The following MUC4 variants were observed in gnomAD, a reference collection of about 807,000 sequenced individuals.
The protein encoded by MUC4 is mucin 4, cell surface associated, also known as mucin-4.
MUC4 carries 202 observed loss-of-function variants against 257.9 expected under a neutral mutation model. That is an observed-to-expected ratio of 0.78 (90% CI 0.70 to 0.88). MUC4 has a LOEUF of 0.88. Ranked by LOEUF, MUC4 falls within the 40% of genes least tolerant of loss-of-function variation. The pLI is 0.00. For missense variants in MUC4, 5,976 were observed against 6,513.7 expected, an observed-to-expected ratio of 0.92 and a Z score of 2.84; for synonymous variants, 2,351 against 2,757.1, an observed-to-expected ratio of 0.85 and a Z score of 4.62.
In MUC4 at chr3:195,790,134, T is replaced by G; in HGVS notation, c.1446A>C (p.Leu482=). The G allele has an allele frequency of 6.2e-7, 1 of 1,614,034 alleles. No individual in the cohort carries two copies. Among genetic ancestry groups the G allele is most frequent in the South Asian group, 1.1e-5 (1 of 91,078 alleles). ...AGGAAGGCCATGTTGTTGTTTCATG[T>G]AGAGTAAATATTTCTTGAGACACAC... The part of the protein sequence containing the change: ...SPGVSQEIFT[L]HETTTWPSSF... Residue 482 remains leucine, a synonymous_variant, in exon 2 of 25, where the codon CTA becomes CTC. Transcript: ENST00000463781.
chr3:195,811,299 G>A (rs1168590751), intron 1 of MUC4, among the ~76,000 whole-genome samples: 1 of 152,016 alleles, frequency 6.6e-6, no homozygotes, highest in East Asian at 1.9e-4. Context: ...TCAGACTCCT[G>A]AGTAGCTGGA....
rs1191435995 is a variant in MUC4 at position 195,779,305 on chromosome 3, C to T, written c.12275G>A (p.Gly4092Asp). The T allele has an allele frequency of 2.3e-5, 27 of 1,181,026 alleles. 9 individuals are homozygous for T. Among genetic ancestry groups the T allele is most frequent in the Non-Finnish European group, 2.9e-5 (25 of 868,424 alleles). The allele number at this position is 1,181,026 out of a possible 1,614,324, so 73.2% of individuals were successfully genotyped here. The change falls in exon 2 of 25, where the codon GGT (glycine) becomes GAT (aspartate). Residue 4092 changes from glycine to aspartate, a missense_variant. Transcript: ENST00000463781. ...GGTGAGAGGAAGAGGGGTGGCGTGA[C>T]CGGTGGATGCTGAGGAAGCATCGGT... is the stretch of plus-strand genomic sequence containing the variant. ...PVTDASSASTGHATPLPLTSL... is the reference protein window; with the variant it reads ...PVTDASSASTDHATPLPLTSL...
intron 16 of MUC4, 59 bp downstream of exon 16, chr3:195,760,825 G>C: frequency 7.1e-7 from 1 of 1,407,944 alleles, no homozygotes; most frequent in African/African-American, 1.4e-5. Flanking sequence ...GTCAGGCAAG[G>C]GCAGCTCCTC....
At chr3:195,767,362 A>G (rs963355864) in intron 7 of MUC4, among the ~76,000 whole-genome samples, 11 of 151,496 alleles carry the variant, frequency 7.3e-5, no homozygotes, top group African/African-American at 2.4e-4. Context: ...CACTGCTGCT[A>G]CCACCACCAC....
chr3:195,798,039 G>A (rs1270062278), intron 1 of MUC4, among the ~76,000 whole-genome samples: 1 of 152,126 alleles, frequency 6.6e-6, no homozygotes, highest in Non-Finnish European at 1.5e-5. Flanking sequence ...GATCACTTGA[G>A]CCCAAGAGTT....
chr3:195,763,740 A>C, intron 11 of MUC4, 99 bp from the exon 12 acceptor site: 2 of 1,239,714 alleles, frequency 1.6e-6, no homozygotes, highest in East Asian at 2.6e-5. Context: ...AGGAGGACTC[A>C]GGGTGAGGTT....
intron 20 of MUC4, among the ~76,000 whole-genome samples, chr3:195,752,830 C>T (rs929953816): frequency 7.2e-5 from 11 of 152,236 alleles, no homozygotes; most frequent in Non-Finnish European, 1.5e-4. Flanking sequence ...TCTCTGCCTC[C>T]GTCCTTCCTC....
chr3:195,798,883 C>A (rs965376360), intron 1 of MUC4, among the ~76,000 whole-genome samples: 5 of 152,086 alleles, frequency 3.3e-5, no homozygotes, highest in African/African-American at 1.2e-4. Context: ...TTCCTTGCTT[C>A]CCCCTTTTGG....
chr3:195,781,722 A>T lies in MUC4; in HGVS notation c.9858T>A (p.Thr3286=). 3 of 1,475,536 alleles carry T rather than the reference A, an allele frequency of 2.0e-6. No homozygotes were observed. Among genetic ancestry groups the T allele is most frequent in the Non-Finnish European group, 2.7e-6 (3 of 1,107,032 alleles). The allele number at this position is 1,475,536 out of a possible 1,614,324, so 91.4% of individuals were successfully genotyped here. ...TGGTGTCACCTGTGGATGATGAGGA[A>T]GTGTCGGTGACAGGAAGAGAGGTGG... ...GDTTSLPVTD[T]SSSSTGDTTP... The change falls in exon 2 of 25, where the codon ACT becomes ACA. Residue 3286 remains threonine, a synonymous_variant. Coordinates refer to ENST00000463781, the MANE Select transcript of MUC4 (RefSeq NM_018406.7).
At chr3:195,754,813 TC>T in intron 18 of MUC4, among the ~76,000 whole-genome samples, 1 of 17,246 alleles carries the variant, frequency 5.8e-5, no homozygotes, top group Non-Finnish European at 3.7e-4. Flanking sequence ...CATGTATGTA[TC>T]CATGTGTGTA....
intron 19 of MUC4, chr3:195,753,504 G>A (rs1345124834): frequency 1.4e-5 from 7 of 505,988 alleles, no homozygotes; most frequent in Non-Finnish European, 2.4e-5. Flanking sequence ...TGGCAGAGGA[G>A]GGGCCCCCAG....
chr3:195,777,659 C>G (rs1221154083), intron 3 of MUC4, among the ~76,000 whole-genome samples: 1,226 of 36,598 alleles, frequency 0.033, 7 homozygotes, highest in South Asian at 0.062. Context: ...ACCTTCCACA[C>G]CCATACCTTC....
Position 195,766,629 on chromosome 3 carries a change from GACCAGCTCAGGTGTGAT to G in MUC4, c.13618+17_13618+33del. ...GGCTGGAGGACACGCGAGGGCTTGAGACCAGCTCAGGTGTGATAAGGTGGCACTTTTACCTGAGTTGG... is the reference window on the plus strand; with the variant it reads ...GGCTGGAGGACACGCGAGGGCTTGAGAAGGTGGCACTTTTACCTGAGTTGG... On this transcript the variant is annotated intron_variant, in intron 8 of 24. Coordinates refer to ENST00000463781, the MANE Select transcript of MUC4 (RefSeq NM_018406.7). 1.9e-6 allele frequency: 3 copies of G among 1,593,064 alleles called. No homozygotes were observed. Among genetic ancestry groups the G allele is most frequent in the Non-Finnish European group, 2.6e-6 (3 of 1,160,882 alleles).
Position 195,753,195 on chromosome 3 carries a change from AGGACT to A in MUC4, c.15359_15363del (p.Gln5120LeufsTer32). 3 of 1,614,068 alleles carry A rather than the reference AGGACT, an allele frequency of 1.9e-6. No homozygotes were observed. The highest frequency in any genetic ancestry group is 2.5e-6 in the Non-Finnish European group (3 of 1,179,948). On this transcript the variant is annotated frameshift_variant, in exon 20 of 25. Coordinates refer to ENST00000463781, the MANE Select transcript of MUC4 (RefSeq NM_018406.7). LOFTEE classifies it high-confidence loss of function. The stretch of plus-strand genomic sequence containing the variant: ...TGATTGTAGCAGTAATTCACAGGGC[AGGACT>A]GGTTCTGACACAGGAAAGAGCTCCC...
intron 17 of MUC4, among the ~76,000 whole-genome samples, chr3:195,758,523 G>T (rs2148786237): frequency 6.7e-6 from 1 of 150,314 alleles, no homozygotes; most frequent in East Asian, 2.0e-4. Context: ...AATGCATAAT[G>T]ACTAAAGATG....
At chr3:195,765,813 C>T (rs1044026331) in intron 8 of MUC4, among the ~76,000 whole-genome samples, 5 of 152,338 alleles carry the variant, frequency 3.3e-5, no homozygotes, top group Middle Eastern at 3.4e-3. Context: ...TGCCTCTTGA[C>T]GCTTGTCTTT....
At chr3:195,771,612 C>T in intron 5 of MUC4, 40 bp downstream of exon 5, 1 of 1,598,726 alleles carries the variant, frequency 6.3e-7, no homozygotes, top group East Asian at 2.2e-5. Flanking sequence ...CCCCTGCCAG[C>T]TGCTGGGGGA....
chr3:195,809,265 G>C (rs896044691), intron 1 of MUC4, among the ~76,000 whole-genome samples: 6 of 152,208 alleles, frequency 3.9e-5, no homozygotes, highest in African/African-American at 1.4e-4. Flanking sequence ...CCTCTGGCCT[G>C]GGCTTCAGTG....
At position 195,791,097 on chromosome 3, in the gene MUC4, A is replaced by G. The variant is rs1560403450; in HGVS notation, c.483T>C (p.Ser161=). The G allele has an allele frequency of 1.2e-6, 2 of 1,612,490 alleles. No individual in the cohort carries two copies. Among genetic ancestry groups the G allele is most frequent in the Non-Finnish European group, 1.7e-6 (2 of 1,179,578 alleles). Residue 161 remains serine (S), a synonymous_variant, in exon 2 of 25, where the codon AGT becomes AGC. Coordinates refer to ENST00000463781, the MANE Select transcript of MUC4 (RefSeq NM_018406.7). ...AGACTGCTGAGGTCACTGGGGTAGA[A>G]CTTTCAGTTCCTGCTGTTGATGTCT... ...TEETSTAGTE[S]STPVTSAVSI...
Sources: gnomAD v4.1 joint callset for allele counts (sites outside exome capture counted in the v4.1 genomes callset) on GRCh38, gnomAD v4.1.1 for gene constraint, MANE v1.5 for transcripts, NCBI Gene and HGNC (gene_info 2026-07-23, HGNC 2026-07-21) for gene names.